Variants in DOCK3 observed in about 807,000 individuals in gnomAD.
DOCK3 encodes the protein dedicator of cytokinesis protein 3.
DOCK3 carries 60 observed loss-of-function variants against 265.6 expected under a neutral mutation model. The observed-to-expected ratio is 0.23, with a 90% CI of 0.18 to 0.28. The LOEUF (loss-of-function observed/expected upper bound fraction) is 0.28, where lower values mean the gene tolerates loss of function less well. Ranked by LOEUF, DOCK3 falls within the 10% of genes least tolerant of loss-of-function variation. The pLI is 1.00. For missense variants in DOCK3, 1,981 were observed against 2,594.3 expected (o/e 0.76, Z 5.14); for synonymous variants, 881 against 938.0 (o/e 0.94, Z 1.11).
intron 27 of DOCK3, among the ~76,000 whole-genome samples, chr3:51,282,073 G>A (rs1158369814): frequency 6.6e-6 from 1 of 152,130 alleles, no homozygotes; most frequent in Admixed American, 6.6e-5. Flanking sequence ...CCATTGGCTG[G>A]AACGGGACCT....
At chr3:51,247,351 A>G (rs2078890145) in intron 22 of DOCK3, among the ~76,000 whole-genome samples, 2 of 152,230 alleles carry the variant, frequency 1.3e-5, no homozygotes, top group South Asian at 4.1e-4. Flanking sequence ...AGGTTCCCTG[A>G]CAAGGCAGCC....
At chr3:50,857,531 A>G (rs2046661826) in intron 3 of DOCK3, among the ~76,000 whole-genome samples, 1 of 152,196 alleles carries the variant, frequency 6.6e-6, no homozygotes. Context: ...TTTGCAGTCT[A>G]CCCATCTGAC....
chr3:51,368,843 C>T (rs28856397), intron 49 of DOCK3, among the ~76,000 whole-genome samples: 2 of 152,194 alleles, frequency 1.3e-5, no homozygotes, highest in African/African-American at 2.4e-5. Flanking sequence ...CAGGGTGCCC[C>T]TCTGAGACAA....
rs1178079273 is a variant in DOCK3 at position 51,214,213 on chromosome 3, A to T, written c.1218A>T (p.Thr406=). The T allele has an allele frequency of 6.2e-7, 1 of 1,613,792 alleles. No individual in the cohort carries two copies. The highest frequency in any genetic ancestry group is 8.5e-7 in the Non-Finnish European group (1 of 1,179,810). ...TATTTAATAGGGGATTGGCAATTAC[A>T]AGAAAATTGGGATTTCCTGATGTCA... ...PMIFNRGLAI[T]RKLGFPDVIM... is the part of the protein sequence containing the mutation. The change falls in exon 14 of 53, where the codon ACA becomes ACT. Residue 406 remains threonine, a synonymous_variant. Coordinates refer to ENST00000266037, the MANE Select transcript of DOCK3 (RefSeq NM_004947.5).
intron 1 of DOCK3, among the ~76,000 whole-genome samples, chr3:50,740,271 G>T (rs1326735605): frequency 1.3e-5 from 2 of 151,956 alleles, no homozygotes; most frequent in Non-Finnish European, 2.9e-5. Context: ...ATTCATTGTT[G>T]ATAGATATAT....
intron 12 of DOCK3, among the ~76,000 whole-genome samples, chr3:51,175,140 G>A: frequency 6.6e-6 from 1 of 152,206 alleles, no homozygotes; most frequent in Non-Finnish European, 1.5e-5. Flanking sequence ...ACACAGGGCT[G>A]CTTCAGGGAC....
intron 1 of DOCK3, among the ~76,000 whole-genome samples, chr3:50,730,174 C>G (rs1210131459): frequency 6.6e-6 from 1 of 152,094 alleles, no homozygotes; most frequent in Non-Finnish European, 1.5e-5. Flanking sequence ...CAGAGTCTCA[C>G]TCTGTCACCC....
chr3:51,088,872 T>G (rs1352786890), intron 7 of DOCK3, among the ~76,000 whole-genome samples: 1 of 152,118 alleles, frequency 6.6e-6, no homozygotes, highest in East Asian at 1.9e-4. Context: ...AAGGCATCAT[T>G]GTGGAAAGTC....
chr3:51,113,194 T>TAA (rs1346851301), intron 9 of DOCK3, among the ~76,000 whole-genome samples: 36 of 152,104 alleles, frequency 2.4e-4, no homozygotes, highest in South Asian at 8.3e-4. Flanking sequence ...TATATATATA[T>TAA]AACTGGCATG....
chr3:50,953,447 T>C (rs1269157237), intron 5 of DOCK3, among the ~76,000 whole-genome samples: 2 of 152,122 alleles, frequency 1.3e-5, no homozygotes, highest in East Asian at 3.9e-4. Context: ...TCATTCCACT[T>C]TCCACACCTA....
chr3:51,012,676 C>T (rs2079001018), intron 5 of DOCK3, among the ~76,000 whole-genome samples: 1 of 152,094 alleles, frequency 6.6e-6, no homozygotes, highest in Non-Finnish European at 1.5e-5. Flanking sequence ...TCCGATAAGC[C>T]CCAATGAGAT....
At chr3:50,804,584 C>T (rs536902777) in intron 2 of DOCK3, among the ~76,000 whole-genome samples, 27 of 152,222 alleles carry the variant, frequency 1.8e-4, no homozygotes, top group Admixed American at 3.9e-4. Context: ...CAAAAATATA[C>T]GAAAACCAGT....
chr3:51,264,829 A>AAAATAAATAAATAAATAAAT (rs71084138), intron 23 of DOCK3, among the ~76,000 whole-genome samples: 13,503 of 142,058 alleles, frequency 0.095, 759 homozygotes, highest in Middle Eastern at 0.11. Flanking sequence ...TCAGTCTCAA[A>AAAATAAATAAATAAATAAAT]AAATAAATAA....
chr3:51,227,353 A>G lies in DOCK3; in HGVS notation c.1448A>G (p.Asn483Ser). 1 of 1,613,970 alleles carries G rather than the reference A, an allele frequency of 6.2e-7. No homozygotes were observed. ...SYHSFVLYHS[N>S]SPRWGEIIKL... ...CACTCCTTTGTCCTCTACCACAGTA[A>G]TAGTCCTCGCTGGGGAGAAATTATC... Residue 483 changes from asparagine to serine, a missense_variant, in exon 16 of 53, where the codon AAT becomes AGT. Asn to Ser is a conservative substitution (Grantham distance 46, BLOSUM62 1). This residue lies in a region of DOCK3 where 1,357 missense variants were observed against 1,866.8 expected (regional missense o/e 0.73). Coordinates refer to ENST00000266037, the MANE Select transcript of DOCK3 (RefSeq NM_004947.5).
intron 22 of DOCK3, among the ~76,000 whole-genome samples, chr3:51,258,009 G>T (rs2079643773): frequency 6.6e-6 from 1 of 152,136 alleles, no homozygotes; most frequent in Admixed American, 6.5e-5. Context: ...CCTCATCCAG[G>T]TTTTCATGGA....
intron 3 of DOCK3, among the ~76,000 whole-genome samples, chr3:50,872,313 C>T (rs1349441183): frequency 6.6e-6 from 1 of 152,228 alleles, no homozygotes; most frequent in Admixed American, 6.5e-5. Context: ...CCTTGATGGT[C>T]TTGGACAATA....
At chr3:50,926,355 T>G (rs1307242342) in intron 4 of DOCK3, among the ~76,000 whole-genome samples, 2 of 152,040 alleles carry the variant, frequency 1.3e-5, no homozygotes, top group Non-Finnish European at 2.9e-5. Flanking sequence ...AGGCCAAGGG[T>G]TTTTTAAAAA....
At chr3:51,018,923 T>A (rs1322655765) in intron 5 of DOCK3, among the ~76,000 whole-genome samples, 1 of 151,926 alleles carries the variant, frequency 6.6e-6, no homozygotes, top group Non-Finnish European at 1.5e-5. Flanking sequence ...TTGTATATAT[T>A]GTTAGAAATA....
chr3:51,046,910 A>C (rs1169885246), intron 5 of DOCK3, among the ~76,000 whole-genome samples: 1 of 152,208 alleles, frequency 6.6e-6, no homozygotes, highest in South Asian at 2.1e-4. Flanking sequence ...TTACAAATAC[A>C]TGGAAATTAA....
Sources: allele counts gnomAD v4.1 joint callset (sites outside exome capture counted in the v4.1 genomes callset), GRCh38; gene constraint gnomAD v4.1.1; regional missense constraint gnomAD v4.1.1; transcripts MANE v1.5; gene names NCBI Gene and HGNC (gene_info 2026-07-23, HGNC 2026-07-21).